Variants in COP1 observed in about 807,000 individuals in gnomAD.
COP1 encodes COP1 E3 ubiquitin ligase.
A neutral mutation model predicts 101.3 loss-of-function variants in COP1; 24 were observed. The ratio of observed to expected loss-of-function variants is 0.24; its 90% CI spans 0.17 to 0.33. The LOEUF is 0.33. Among genes scored for constraint, COP1 ranks in the 10% least tolerant of loss-of-function variants. The pLI, the probability that COP1 is intolerant of heterozygous loss-of-function variation, is 1.00. For missense variants in COP1, 663 were observed against 906.2 expected, an observed-to-expected ratio of 0.73 and a Z score of 3.45; for synonymous variants, 347 against 341.9, an observed-to-expected ratio of 1.01 and a Z score of -0.17.
At chr1:176,082,343 C>T (rs1187672105) in intron 10 of COP1, among the ~76,000 whole-genome samples, 1 of 152,016 alleles carries the variant, frequency 6.6e-6, no homozygotes, top group Non-Finnish European at 1.5e-5. Flanking sequence ...TAAATGCCAT[C>T]TGAAGTATAG....
rs559061149 is a variant in COP1, at chr1:176,112,150, C to G, written c.1026+4474G>C. Among the ~76,000 whole-genome samples, 5 of 151,372 alleles carry G rather than the reference C, an allele frequency of 3.3e-5. No homozygotes were observed. In the East Asian group the frequency reaches 9.7e-4, roughly 29 times the overall value. On this transcript the variant is annotated intron_variant, in intron 9 of 19. Coordinates refer to ENST00000367669, the MANE Select transcript of COP1 (RefSeq NM_022457.7). ...GAGGGGATGAGAAGATATTTACGTA[C>G]TGTCTCAGTGCACTATCTCAAACCA...
chr1:176,123,691 T>C (rs994330054), intron 8 of COP1, among the ~76,000 whole-genome samples: 1 of 152,294 alleles, frequency 6.6e-6, no homozygotes, highest in East Asian at 1.9e-4. Flanking sequence ...ATGTGTAACT[T>C]TACAGAGTAG....
intron 15 of COP1, among the ~76,000 whole-genome samples, chr1:175,993,273 A>G (rs1385180836): frequency 6.6e-6 from 1 of 152,236 alleles, no homozygotes; most frequent in African/African-American, 2.4e-5. Flanking sequence ...CCAAAAGTAG[A>G]TAAAACCACA....
chr1:175,975,940 A>G (rs1457045866), intron 18 of COP1, among the ~76,000 whole-genome samples: 1 of 152,192 alleles, frequency 6.6e-6, no homozygotes, highest in Non-Finnish European at 1.5e-5. Flanking sequence ...AAGAACAGTG[A>G]GATCTCCATA....
At chr1:175,964,908 C>G (rs960511277) in intron 18 of COP1, among the ~76,000 whole-genome samples, 1 of 152,160 alleles carries the variant, frequency 6.6e-6, no homozygotes, top group Non-Finnish European at 1.5e-5. Flanking sequence ...AGCCTCTTGT[C>G]TTATTTGGAC....
intron 8 of COP1, among the ~76,000 whole-genome samples, chr1:176,118,106 A>C (rs186953747): frequency 1.3e-5 from 2 of 152,334 alleles, no homozygotes; most frequent in African/African-American, 4.8e-5. Flanking sequence ...CATAGAAGTG[A>C]ATAACCTGAC....
chr1:176,135,133 A>G (rs1467582301), intron 7 of COP1, 47 bp from the exon 8 acceptor site: 4 of 1,274,010 alleles, frequency 3.1e-6, no homozygotes, highest in Middle Eastern at 2.4e-4. Flanking sequence ...CAAATAGAAG[A>G]TATATAAATC....
chr1:176,035,710 C>CAAAAAAAAAAAAAAAAAAAAAACA (rs1669400070), intron 14 of COP1, among the ~76,000 whole-genome samples: 1 of 73,110 alleles, frequency 1.4e-5, no homozygotes, highest in Non-Finnish European at 2.5e-5. Context: ...AAAACGAGAC[C>CAAAAAAAAAAAAAAAAAAAAAACA]AAAAAAAAAA....
intron 3 of COP1, among the ~76,000 whole-genome samples, chr1:176,170,169 C>G (rs559444350): frequency 6.6e-5 from 10 of 152,230 alleles, no homozygotes; most frequent in South Asian, 4.1e-4. Flanking sequence ...AAGTCTTGAA[C>G]CCTTCAAAGT....
chr1:175,993,543 G>A (rs1659243369), intron 15 of COP1, among the ~76,000 whole-genome samples: 1 of 152,180 alleles, frequency 6.6e-6, no homozygotes, highest in South Asian at 2.1e-4. Context: ...ACAGAGAAGT[G>A]CTTAAAGGAG....
intron 8 of COP1, among the ~76,000 whole-genome samples, chr1:176,120,362 G>A (rs1263328888): frequency 1.3e-5 from 2 of 151,418 alleles, no homozygotes; most frequent in Non-Finnish European, 2.9e-5. Context: ...GGAGGTTGCA[G>A]TGAGCCGAGA....
At chr1:176,009,608 CTG>C (rs1239903839) in intron 15 of COP1, among the ~76,000 whole-genome samples, 2 of 152,054 alleles carry the variant, frequency 1.3e-5, no homozygotes, top group African/African-American at 4.8e-5. Context: ...TCAAAAGAAA[CTG>C]TATTGGAGTA....
chr1:176,150,834 T>C (rs773364472), intron 5 of COP1, among the ~76,000 whole-genome samples: 18 of 152,140 alleles, frequency 1.2e-4, no homozygotes, highest in Non-Finnish European at 2.2e-4. Context: ...TCCAACTACA[T>C]ACACCAGGAA....
At chr1:176,178,014 A>G (rs1312479003) in intron 2 of COP1, among the ~76,000 whole-genome samples, 1 of 152,204 alleles carries the variant, frequency 6.6e-6, no homozygotes, top group African/African-American at 2.4e-5. Context: ...CAATGTTCCA[A>G]AAACAGTATC....
At chr1:176,087,419 T>C (rs1316040308) in intron 9 of COP1, among the ~76,000 whole-genome samples, 1 of 150,934 alleles carries the variant, frequency 6.6e-6, no homozygotes, top group Non-Finnish European at 1.5e-5. Flanking sequence ...CGAGAAAAAA[T>C]CAACCCCATC....
In COP1 at chr1:176,014,173, A is replaced by G. The variant is rs529855750; in HGVS notation, c.1729+13399T>C. On this transcript the variant is annotated intron_variant, in intron 15 of 19. Transcript: ENST00000367669. The stretch of plus-strand genomic sequence containing the variant: ...TAGAGAACAGAAGAAAACAGAAAGT[A>G]AGAGAATACATCTGACTACTGAGAT... Among the ~76,000 whole-genome samples, 8 of 152,226 alleles carry G rather than the reference A, an allele frequency of 5.3e-5. No homozygotes were observed. The South Asian group carries it at 1.7e-3, about 32-fold the overall frequency.
chr1:176,166,596 T>C (rs929077766), intron 3 of COP1, among the ~76,000 whole-genome samples: 1 of 152,218 alleles, frequency 6.6e-6, no homozygotes, highest in Non-Finnish European at 1.5e-5. Context: ...TGTATCAGAT[T>C]TTTCATGGAG....
chr1:176,016,567 C>G (rs1029360174), intron 15 of COP1, among the ~76,000 whole-genome samples: 8 of 152,156 alleles, frequency 5.3e-5, no homozygotes, highest in African/African-American at 1.9e-4. Context: ...TTCTCTGTCT[C>G]TCTCTCTTTC....
intron 18 of COP1, among the ~76,000 whole-genome samples, chr1:175,960,922 A>G (rs1651259819): frequency 6.6e-6 from 1 of 152,162 alleles, no homozygotes; most frequent in Non-Finnish European, 1.5e-5. Flanking sequence ...CGGTTGACTG[A>G]GTGGGGAAGT....
Sources: allele counts gnomAD v4.1 joint callset (sites outside exome capture counted in the v4.1 genomes callset), GRCh38; gene constraint gnomAD v4.1.1; transcripts MANE v1.5; gene names NCBI Gene and HGNC (gene_info 2026-07-23, HGNC 2026-07-21).